The following CCSER1 variants were observed in gnomAD, a reference collection of about 807,000 sequenced individuals.
CCSER1 encodes serine-rich coiled-coil domain-containing protein 1.
In CCSER1, 41 loss-of-function variants were observed where a neutral mutation model predicts 82.0. The observed-to-expected ratio is 0.50, with a 90% CI of 0.39 to 0.65. CCSER1 has a LOEUF of 0.65. CCSER1 is among the 30% of genes least tolerant of loss of function. The probability of loss-of-function intolerance (pLI) is 0.00; values close to 1 mark genes in which losing one functional copy is unlikely to be tolerated. For missense variants in CCSER1, 1,119 were observed against 1,064.2 expected, an observed-to-expected ratio of 1.05 and a Z score of -0.72; for synonymous variants, 414 against 383.9, an observed-to-expected ratio of 1.08 and a Z score of -0.92.
At chr4:90,632,681 T>A (rs1404522991) in intron 6 of CCSER1, among the ~76,000 whole-genome samples, 1 of 152,072 alleles carries the variant, frequency 6.6e-6, no homozygotes, top group African/African-American at 2.4e-5. Context: ...CAGTGTCTCT[T>A]CCAAGTATAC....
chr4:91,317,234 A>T (rs1446941664), intron 10 of CCSER1, among the ~76,000 whole-genome samples: 1 of 152,014 alleles, frequency 6.6e-6, no homozygotes, highest in Non-Finnish European at 1.5e-5. Context: ...TTATCCTCTG[A>T]AATCTCTTCC....
chr4:90,907,395 G>A (rs1234980003), intron 8 of CCSER1, among the ~76,000 whole-genome samples: 4 of 151,976 alleles, frequency 2.6e-5, no homozygotes, highest in African/African-American at 2.4e-5. Flanking sequence ...TTGATGTGTT[G>A]AAAAATTCTT....
At chr4:90,349,325 A>G (rs1305167475) in intron 3 of CCSER1, among the ~76,000 whole-genome samples, 1 of 152,184 alleles carries the variant, frequency 6.6e-6, no homozygotes, top group African/African-American at 2.4e-5. Flanking sequence ...CTTGCATTTT[A>G]GATTTCTAAT....
chr4:90,546,399 A>G (rs1362754337), intron 5 of CCSER1, among the ~76,000 whole-genome samples: 1 of 152,096 alleles, frequency 6.6e-6, no homozygotes, highest in Non-Finnish European at 1.5e-5. Flanking sequence ...GTTATATTTC[A>G]TTGTGTGCAG....
At chr4:90,339,870 G>A (rs552543380) in intron 3 of CCSER1, among the ~76,000 whole-genome samples, 59 of 151,444 alleles carry the variant, frequency 3.9e-4, no homozygotes, top group Admixed American at 1.3e-3. Context: ...ACCCAATACT[G>A]GAGCAAAAGA....
intron 1 of CCSER1, among the ~76,000 whole-genome samples, chr4:90,217,445 G>A (rs1367229764): frequency 4.6e-5 from 7 of 152,070 alleles, no homozygotes; most frequent in South Asian, 4.1e-4. Context: ...TATTCCGCCC[G>A]CCTCGGCCTC....
At chr4:91,267,555 C>G (rs1263907631) in intron 10 of CCSER1, among the ~76,000 whole-genome samples, 1 of 152,110 alleles carries the variant, frequency 6.6e-6, no homozygotes, top group Non-Finnish European at 1.5e-5. Flanking sequence ...GAAGAGAACT[C>G]TAAAATAATT....
intron 4 of CCSER1, among the ~76,000 whole-genome samples, chr4:90,403,296 G>A (rs944942871): frequency 7.2e-5 from 11 of 151,772 alleles, no homozygotes; most frequent in African/African-American, 1.7e-4. Context: ...TCAGGAGATC[G>A]AGACCATCCC....
chr4:91,356,657 C>A (rs1748855227), intron 10 of CCSER1, among the ~76,000 whole-genome samples: 1 of 152,208 alleles, frequency 6.6e-6, no homozygotes, highest in Admixed American at 6.5e-5. Flanking sequence ...AATACCACCA[C>A]AAATCCACTC....
Position 90,781,944 on chromosome 4 carries a change from G to C in CCSER1, c.2011-33818G>C, listed in dbSNP as rs527666564. Reference sequence around the variant, plus strand: ...ATTGAAGAGACTGTTGAATATGAACGCAGTGTATTAAATGCCCGATATAGG... The same window carrying C: ...ATTGAAGAGACTGTTGAATATGAACCCAGTGTATTAAATGCCCGATATAGG... On this transcript the variant is annotated intron_variant, in intron 7 of 10. Transcript: ENST00000509176. 4.1e-5 allele frequency: 38 copies of C among 921,970 alleles called. 1 individual carries two copies. The South Asian group carries it at 1.6e-3, about 39-fold the overall frequency. The allele number at this position is 921,970 out of a possible 1,614,324, so 57.1% of individuals were successfully genotyped here.
At chr4:91,242,224 G>A (rs1451546928) in intron 10 of CCSER1, among the ~76,000 whole-genome samples, 1 of 152,178 alleles carries the variant, frequency 6.6e-6, no homozygotes. Flanking sequence ...CTGGAGCCTA[G>A]TAAAGTGGAC....
rs561774242 is a variant in CCSER1 at position 90,135,823 on chromosome 4, T to A, written c.-42+7992T>A. On this transcript the variant is annotated intron_variant, in intron 1 of 10. Transcript: ENST00000509176. The stretch of plus-strand genomic sequence containing the variant: ...AGTTGAAGTCCGTCAGTTTCAAAAA[T>A]AATCATGCACCTCTTATTGGTATTA... 2.1e-3 allele frequency among the ~76,000 whole-genome samples: 319 copies of A among 152,352 alleles called. 4 individuals are homozygous for A. The highest frequency in any genetic ancestry group is 6.6e-3 in the African/African-American group (274 of 41,584).
At chr4:90,593,959 T>A (rs2148708450) in intron 5 of CCSER1, among the ~76,000 whole-genome samples, 1 of 152,112 alleles carries the variant, frequency 6.6e-6, no homozygotes, top group African/African-American at 2.4e-5. Context: ...TGGTCAATTA[T>A]ATAACTGCAG....
intron 4 of CCSER1, among the ~76,000 whole-genome samples, chr4:90,441,855 G>A (rs1484505755): frequency 6.6e-6 from 1 of 152,192 alleles, no homozygotes; most frequent in East Asian, 1.9e-4. Flanking sequence ...CAATTAAACT[G>A]TTCTGAATAA....
intron 8 of CCSER1, among the ~76,000 whole-genome samples, chr4:90,829,392 G>A (rs984438436): frequency 4.6e-5 from 7 of 151,942 alleles, no homozygotes; most frequent in African/African-American, 1.7e-4. Flanking sequence ...AATGAGACTG[G>A]AGAAAAAAAC....
chr4:90,489,337 G>A (rs956969899), intron 5 of CCSER1, among the ~76,000 whole-genome samples: 1 of 152,106 alleles, frequency 6.6e-6, no homozygotes, highest in Middle Eastern at 3.4e-3. Flanking sequence ...CCTCTTTTGA[G>A]CTGCAAAAGA....
At chr4:90,519,588 A>C (rs1259262328) in intron 5 of CCSER1, among the ~76,000 whole-genome samples, 1 of 151,916 alleles carries the variant, frequency 6.6e-6, no homozygotes, top group African/African-American at 2.4e-5. Context: ...GCTTATTACA[A>C]TTTTTTTATT....
intron 9 of CCSER1, among the ~76,000 whole-genome samples, chr4:91,067,600 C>A (rs1720968188): frequency 6.6e-6 from 1 of 150,910 alleles, no homozygotes; most frequent in African/African-American, 2.4e-5. Context: ...CCACCTCAGT[C>A]TCCCACAGTG....
At chr4:90,508,503 A>C (rs1209847829) in intron 5 of CCSER1, among the ~76,000 whole-genome samples, 1 of 152,078 alleles carries the variant, frequency 6.6e-6, no homozygotes, top group Non-Finnish European at 1.5e-5. Context: ...GGAATCCTCC[A>C]ATCTTTCTCA....
Sources: allele counts gnomAD v4.1 joint callset (sites outside exome capture counted in the v4.1 genomes callset), GRCh38; gene constraint gnomAD v4.1.1; transcripts MANE v1.5; gene names NCBI Gene and HGNC (gene_info 2026-07-23, HGNC 2026-07-21).